STARD3: variants seen among roughly 807,000 people sequenced by gnomAD.
The protein encoded by STARD3 is StAR related lipid transfer domain containing 3.
A neutral mutation model predicts 62.0 loss-of-function variants in STARD3; 39 were observed. That is an observed-to-expected ratio of 0.63 (90% CI 0.49 to 0.82). The LOEUF (loss-of-function observed/expected upper bound fraction) is 0.82. Among genes scored for constraint, STARD3 ranks in the 40% least tolerant of loss-of-function variants. The pLI is 0.00. For synonymous variants in STARD3, 229 were observed against 242.4 expected (o/e 0.94, Z 0.51); for missense variants, 543 against 584.5 (o/e 0.93, Z 0.73).
Position 39,662,322 on chromosome 17 carries a change from G to A in STARD3, c.1211G>A (p.Trp404Ter), listed in dbSNP as rs1369063181. 1 of 1,614,046 alleles carries A rather than the reference G, an allele frequency of 6.2e-7. No homozygotes were observed. Among genetic ancestry groups the A allele is most frequent in the African/African-American group, 1.3e-5 (1 of 75,020 alleles). Reference sequence around the variant, plus strand: ...AACCCCCGTGTTTGCACCTTTGTCTGGATTCTTAATACAGATCTCAAGGTG... The same window carrying A: ...AACCCCCGTGTTTGCACCTTTGTCTAGATTCTTAATACAGATCTCAAGGTG... ...ASNPRVCTFV[W>*]ILNTDLKGRL... Residue 404 changes from tryptophan to a stop codon, truncating the protein, a stop_gained, in exon 14 of 15, where the codon TGG becomes TAG. Transcript: ENST00000336308. LOFTEE classifies it high-confidence loss of function.
Position 39,660,391 on chromosome 17 carries a change from C to A in STARD3, c.859-40C>A, listed in dbSNP as rs774165069. 4 of 1,611,396 alleles carry A rather than the reference C, an allele frequency of 2.5e-6. No individual in the cohort carries two copies. Among genetic ancestry groups the A allele is most frequent in the Non-Finnish European group, 3.4e-6 (4 of 1,178,220 alleles). ...AGAGGGAAGGGTTGGTCTGCCCGAGCCCATCTGGCACCACCCAGCCCTCTG... is the reference window on the plus strand; with the variant it reads ...AGAGGGAAGGGTTGGTCTGCCCGAGACCATCTGGCACCACCCAGCCCTCTG... On this transcript the variant is annotated intron_variant, in intron 10 of 14. Transcript: ENST00000336308. This position sits in a 1 kb window ranked among gnomAD's most constrained non-coding sequence, Gnocchi z 4.8.
At chr17:39,642,968 G>T (rs1056492002) in intron 1 of STARD3, among the ~76,000 whole-genome samples, 1 of 152,052 alleles carries the variant, frequency 6.6e-6, no homozygotes, top group Non-Finnish European at 1.5e-5. Context: ...GGACTTGTAG[G>T]CTAGGGTGGG....
At chr17:39,640,136 T>C (rs1179969138) in intron 1 of STARD3, among the ~76,000 whole-genome samples, 1 of 152,152 alleles carries the variant, frequency 6.6e-6, no homozygotes, top group African/African-American at 2.4e-5. Flanking sequence ...TAAGTTGAGC[T>C]CTCACACAGC....
At chr17:39,639,897 G>A (rs1209695996) in intron 1 of STARD3, among the ~76,000 whole-genome samples, 1 of 152,192 alleles carries the variant, frequency 6.6e-6, no homozygotes, top group East Asian at 1.9e-4. Flanking sequence ...CCTCCCTGTG[G>A]CTTTTCTGAC....
chr17:39,642,530 C>T (rs1293388027), intron 1 of STARD3, among the ~76,000 whole-genome samples: 1 of 152,150 alleles, frequency 6.6e-6, no homozygotes, highest in African/African-American at 2.4e-5. Context: ...CCGTTCAGTG[C>T]ATTTCCTGGA....
In STARD3 at chr17:39,658,783, C is replaced by T. The variant is rs556819789; in HGVS notation, c.609C>T (p.Ser203=). ...CCCTGCTGTTCTCCGGTGCTCTGTC[C>T]GAGGGACAGTTCTATTCACCCCCAG... ...RGPLLFSGAL[S]EGQFYSPPES... The change falls in exon 7 of 15, where the codon TCC becomes TCT. Residue 203 remains serine, a synonymous_variant. Transcript: ENST00000336308. 184 of 1,613,974 alleles carry T rather than the reference C, an allele frequency of 1.1e-4. 1 individual carries two copies. The South Asian group carries it at 1.7e-3, about 15-fold the overall frequency.
In STARD3 at chr17:39,662,346, T is replaced by G. The variant is rs750480132; in HGVS notation, c.1233+2T>G. The G allele has an allele frequency of 1.2e-6, 2 of 1,613,274 alleles. No homozygotes were observed. The highest frequency in any genetic ancestry group is 2.2e-5 in the South Asian group (2 of 90,862). On this transcript the variant is annotated splice_donor_variant, in intron 14 of 14. Transcript: ENST00000336308. LOFTEE classifies it high-confidence loss of function. Reference sequence around the variant, plus strand: ...TGGATTCTTAATACAGATCTCAAGGTGGGGTGCTGGGGGGCTGCCAGGTGG... The same window carrying G: ...TGGATTCTTAATACAGATCTCAAGGGGGGGTGCTGGGGGGCTGCCAGGTGG...
At chr17:39,661,172 C>G in intron 13 of STARD3, 87 bp downstream of exon 13, 1 of 1,223,944 alleles carries the variant, frequency 8.2e-7, no homozygotes, top group Non-Finnish European at 1.2e-6. Context: ...TACAGCTGGG[C>G]ACTTCCCCTG....
intron 5 of STARD3, 116 bp from the exon 6 acceptor site, chr17:39,658,289 G>T: frequency 1.0e-6 from 1 of 985,470 alleles, no homozygotes; most frequent in Non-Finnish European, 1.5e-6. Context: ...TTCCCAAGCA[G>T]CTGCTACCAG....
At chr17:39,650,498 A>G (rs79477175) in intron 1 of STARD3, among the ~76,000 whole-genome samples, 1,560 of 152,274 alleles carry the variant, frequency 0.01, 8 homozygotes, top group Middle Eastern at 0.017. Flanking sequence ...AGAGGGAGAC[A>G]GCTAAAAAGA....
At position 39,659,518 on chromosome 17, in the gene STARD3, G is replaced by T; in HGVS notation, c.760G>T (p.Ala254Ser). 6.2e-7 allele frequency: 1 copy of T among 1,614,142 alleles called. No individual in the cohort carries two copies. The highest frequency in any genetic ancestry group is 8.5e-7 in the Non-Finnish European group (1 of 1,180,010). The change falls in exon 9 of 15, where the codon GCC (alanine) becomes TCC (serine). Residue 254 changes from alanine (A) to serine (S), a missense_variant. Coordinates refer to ENST00000336308, the MANE Select transcript of STARD3 (RefSeq NM_006804.4). ...EATAVVDQIL[A>S]QEENWKFEKN... Reference sequence around the variant, plus strand: ...CACGGCAGTGGTGGACCAGATCTTGGCCCAGGAAGAGAACTGGAAGTTTGA... The same window carrying T: ...CACGGCAGTGGTGGACCAGATCTTGTCCCAGGAAGAGAACTGGAAGTTTGA...
Position 39,658,913 on chromosome 17 carries a change from G to T in STARD3, c.646+93G>T. On this transcript the variant is annotated intron_variant, in intron 7 of 14. Coordinates refer to ENST00000336308, the MANE Select transcript of STARD3 (RefSeq NM_006804.4). ...CTGTTCTTTCTATTCCTTCTATCAG[G>T]CTCCCTGGGGAAAGCCAGCAACCCT... 4.5e-6 allele frequency: 7 copies of T among 1,561,808 alleles called. No individual in the cohort carries two copies. The South Asian group carries it at 5.6e-5, about 13-fold the overall frequency.
chr17:39,658,447 T>C lies in STARD3; in HGVS notation c.472T>C (p.Ser158Pro). The C allele has an allele frequency of 6.2e-7, 1 of 1,614,156 alleles. No individual in the cohort carries two copies. ...GAFGYLLPIV[S>P]FVLAWLETWF... is the part of the protein sequence containing the mutation. ...ATTTGGCTACCTGCTCCCCATCGTC[T>C]CTTTTGTCCTCGCCTGGTTGGAGAC... Residue 158 changes from serine (S) to proline (P), a missense_variant, in exon 6 of 15, where the codon TCT (serine) becomes CCT (proline). Physicochemically the swap from Ser to Pro is moderately conservative, Grantham distance 74. Coordinates refer to ENST00000336308, the MANE Select transcript of STARD3 (RefSeq NM_006804.4).
chr17:39,639,141 T>G (rs965749299), intron 1 of STARD3, among the ~76,000 whole-genome samples: 3 of 152,232 alleles, frequency 2.0e-5, no homozygotes, highest in Admixed American at 6.5e-5. Flanking sequence ...ATTACTATTA[T>G]GTAAGGACAA....
rs753144357 is a variant in STARD3 at position 39,662,920 on chromosome 17, C to T, written c.*12C>T. The T allele has an allele frequency of 3.1e-6, 5 of 1,605,180 alleles. No individual in the cohort carries two copies. Among genetic ancestry groups the T allele is most frequent in the Non-Finnish European group, 4.3e-6 (5 of 1,175,972 alleles). On this transcript the variant is annotated 3_prime_UTR_variant, in exon 15 of 15. Coordinates refer to ENST00000336308, the MANE Select transcript of STARD3 (RefSeq NM_006804.4). Reference sequence around the variant, plus strand: ...GGGCCCGGGCGTGACTGTGCCCCCTCCCACCCTGCGGGCCAGGGTCCTGTC... The same window carrying T: ...GGGCCCGGGCGTGACTGTGCCCCCTTCCACCCTGCGGGCCAGGGTCCTGTC...
chr17:39,641,116 T>C (rs1480799133), intron 1 of STARD3, among the ~76,000 whole-genome samples: 1 of 151,526 alleles, frequency 6.6e-6, no homozygotes, highest in Admixed American at 6.5e-5. Context: ...GCTCAACTAC[T>C]TGGGAACCTA....
rs1201150279 is a variant in STARD3 at position 39,658,388 on chromosome 17, G to A, written c.430-17G>A. ...GGGGTGACCCCTGCCATGGAGCTCA[G>A]CCCCCTCCCTTCACAGCTGCTCAGC... On this transcript the variant is annotated splice_polypyrimidine_tract_variant and intron_variant, in intron 5 of 14. Transcript: ENST00000336308. The A allele has an allele frequency of 1.9e-6, 3 of 1,609,624 alleles. No individual in the cohort carries two copies. Among genetic ancestry groups the A allele is most frequent in the African/African-American group, 2.7e-5 (2 of 74,948 alleles).
chr17:39,658,983 G>C, intron 7 of STARD3, 68 bp from the exon 8 acceptor site: 2 of 1,602,078 alleles, frequency 1.2e-6, no homozygotes, highest in Non-Finnish European at 1.7e-6. Context: ...TCACATACCC[G>C]AACCCCACTA....
intron 8 of STARD3, 85 bp from the exon 9 acceptor site, chr17:39,659,375 TG>T: frequency 7.5e-7 from 1 of 1,330,904 alleles, no homozygotes; most frequent in Non-Finnish European, 1.1e-6. Context: ...GGGAAGCATG[TG>T]GTATGTCTAG....
Sources: gnomAD v4.1 joint callset for allele counts (sites outside exome capture counted in the v4.1 genomes callset) on GRCh38, gnomAD v4.1.1 for gene constraint, Gnocchi (gnomAD v3.1) non-coding constraint, MANE v1.5 for transcripts, NCBI Gene and HGNC (gene_info 2026-07-23, HGNC 2026-07-21) for gene names.